NPIPB11: variants seen among roughly 807,000 people sequenced by gnomAD.
The protein encoded by NPIPB11 is nuclear pore complex interacting protein family member B11, also known as nuclear pore complex-interacting protein family member B11.
A neutral mutation model predicts 32.8 loss-of-function variants in NPIPB11; 17 were observed. That is an observed-to-expected ratio of 0.52 (90% CI 0.35 to 0.78). The LOEUF is 0.78. NPIPB11 is among the 30% of genes least tolerant of loss of function. The pLI is 0.01. For synonymous variants in NPIPB11, 209 were observed against 398.4 expected (o/e 0.52, Z 5.66); for missense variants, 537 against 1,000.4 (o/e 0.54, Z 6.25).
exon 3 of NPIPB11, chr16:29,393,994 G>C: frequency 6.3e-7 from 1 of 1,599,380 alleles, no homozygotes; most frequent in Admixed American, 1.7e-5. Flanking sequence ...ATAACTTGTC[G>C]GAAACGCAAT....
intron 2 of NPIPB11, among the ~76,000 whole-genome samples, chr16:29,394,519 C>G (rs1438664482): frequency 6.6e-6 from 1 of 151,734 alleles, no homozygotes; most frequent in East Asian, 1.9e-4. Flanking sequence ...ACTACAACCT[C>G]CAGCTCCTGG....
At chr16:29,389,400 G>A (rs1394386503) in intron 5 of NPIPB11, among the ~76,000 whole-genome samples, 2 of 139,926 alleles carry the variant, frequency 1.4e-5, no homozygotes, top group South Asian at 2.3e-4. Flanking sequence ...AAGGCTGGCT[G>A]TGGTGGCTCA....
At chr16:29,383,179 C>T (rs751665908) in exon 8 of NPIPB11, 38 of 1,592,442 alleles carry the variant, frequency 2.4e-5, no homozygotes, top group Admixed American at 8.7e-5. Context: ...TGCAGATGCT[C>T]GGCAGGTGTC....
intron 2 of NPIPB11, among the ~76,000 whole-genome samples, chr16:29,394,401 C>A (rs914806064): frequency 5.5e-5 from 8 of 144,246 alleles, no homozygotes; most frequent in Non-Finnish European, 1.0e-4. Flanking sequence ...CAAACACTAA[C>A]AATAGCTGAT....
intron 2 of NPIPB11, among the ~76,000 whole-genome samples, 187 bp from the exon 3 acceptor site, chr16:29,394,263 G>C (rs1195678033): frequency 1.3e-5 from 2 of 152,030 alleles, no homozygotes; most frequent in South Asian, 4.2e-4. Context: ...CAGATGGCTG[G>C]TAGTGTTTTC....
Position 29,383,388 on chromosome 16 carries a change from AG to A in NPIPB11, c.1543del (p.Leu515SerfsTer82). ...GAGCTGACGCTCAGAAGGTGTCTTG[AG>A]ATTATCATCCGCTGAGGGTGGAAGC... On this transcript the variant is annotated frameshift_variant, in exon 8 of 8. Transcript: ENST00000524087. LOFTEE classifies it low-confidence loss of function (END_TRUNC). 1 of 250,858 alleles carries A rather than the reference AG, an allele frequency of 4.0e-6. No homozygotes were observed. The highest frequency in any genetic ancestry group is 6.6e-6 in the Non-Finnish European group (1 of 151,638). 15.5% of individuals were successfully genotyped at this position (250,858 alleles called of 1,614,324 possible).
intron 3 of NPIPB11, among the ~76,000 whole-genome samples, chr16:29,391,305 A>G (rs1172926980): frequency 2.0e-5 from 3 of 147,800 alleles, no homozygotes; most frequent in African/African-American, 7.6e-5. Flanking sequence ...ACTTCACACA[A>G]CTGAACTGTA....
At chr16:29,396,832 C>T (rs1406333701) in intron 2 of NPIPB11, among the ~76,000 whole-genome samples, 1 of 149,934 alleles carries the variant, frequency 6.7e-6, no homozygotes, top group South Asian at 2.2e-4. Flanking sequence ...TATGTACTTT[C>T]CAAAGTTAGT....
At chr16:29,402,720 C>CTGTGTG (rs1262374948) in intron 2 of NPIPB11, among the ~76,000 whole-genome samples, 30 of 117,122 alleles carry the variant, frequency 2.6e-4, no homozygotes, top group East Asian at 1.0e-3. Context: ...CTCTCTCTCT[C>CTGTGTG]TCTCTGTGTG....
chr16:29,398,553 A>T (rs1314565782), intron 2 of NPIPB11, among the ~76,000 whole-genome samples: 1 of 151,206 alleles, frequency 6.6e-6, no homozygotes, highest in Non-Finnish European at 1.5e-5. Flanking sequence ...ACATTTACAA[A>T]AATTAACCTG....
chr16:29,396,880 GGT>G (rs1963867047), intron 2 of NPIPB11, among the ~76,000 whole-genome samples: 1 of 151,172 alleles, frequency 6.6e-6, no homozygotes, highest in African/African-American at 2.4e-5. Flanking sequence ...GGCCAGGCGC[GGT>G]GGCTCACGCC....
At chr16:29,405,693 G>A (rs1022013220), upstream of NPIPB11, among the ~76,000 whole-genome samples, 2 of 152,114 alleles carry the variant, frequency 1.3e-5, no homozygotes, top group South Asian at 2.1e-4. Context: ...AGCCCATGGA[G>A]AATAATTTTA....
At chr16:29,406,248 G>A (rs183851209), upstream of NPIPB11, among the ~76,000 whole-genome samples, 1,698 of 150,918 alleles carry the variant, frequency 0.011, no homozygotes, top group Non-Finnish European at 0.018. Context: ...CAAATGTGGC[G>A]ATACTGCATG....
chr16:29,396,879 C>T (rs1390182165), intron 2 of NPIPB11, among the ~76,000 whole-genome samples: 5 of 151,066 alleles, frequency 3.3e-5, no homozygotes, highest in Non-Finnish European at 4.4e-5. Flanking sequence ...TGGCCAGGCG[C>T]GGTGGCTCAC....
intron 3 of NPIPB11, among the ~76,000 whole-genome samples, chr16:29,393,281 G>A (rs1297426835): frequency 6.6e-6 from 1 of 151,548 alleles, no homozygotes; most frequent in East Asian, 1.9e-4. Context: ...GAGCAGTTCT[G>A]CCCTTCACCT....
chr16:29,393,272 A>T (rs145029109), intron 3 of NPIPB11, among the ~76,000 whole-genome samples: 5,477 of 149,924 alleles, frequency 0.037, 342 homozygotes, highest in African/African-American at 0.13. Flanking sequence ...TGAGACGCAG[A>T]GCAGTTCTGC....
At chr16:29,401,434 C>T (rs1185804591) in intron 2 of NPIPB11, among the ~76,000 whole-genome samples, 1 of 152,068 alleles carries the variant, frequency 6.6e-6, no homozygotes, top group Non-Finnish European at 1.5e-5. Context: ...GAAGTCTACT[C>T]TGTTTCATCA....
intron 2 of NPIPB11, among the ~76,000 whole-genome samples, chr16:29,398,491 A>C (rs1297493589): frequency 1.3e-5 from 2 of 149,166 alleles, no homozygotes; most frequent in African/African-American, 4.9e-5. Flanking sequence ...TCCGTCCATC[A>C]ACCTGTATCT....
At chr16:29,404,419 C>T (rs1964066472), upstream of NPIPB11, among the ~76,000 whole-genome samples, 2 of 99,194 alleles carry the variant, frequency 2.0e-5, no homozygotes, top group Non-Finnish European at 4.2e-5. Flanking sequence ...GCACTTCCCT[C>T]TCCATAAACT....
Sources: gnomAD v4.1 joint callset for allele counts (sites outside exome capture counted in the v4.1 genomes callset) on GRCh38, gnomAD v4.1.1 for gene constraint, MANE v1.5 for transcripts, NCBI Gene and HGNC (gene_info 2026-07-23, HGNC 2026-07-21) for gene names.